HEATR1: variants seen among roughly 807,000 people sequenced by gnomAD.
HEATR1 encodes the protein HEAT repeat-containing protein 1.
In HEATR1, 77 loss-of-function variants were observed where a neutral mutation model predicts 248.2. The observed-to-expected ratio is 0.31, with a 90% CI of 0.26 to 0.37. The LOEUF is 0.37. Among genes scored for constraint, HEATR1 ranks in the 10% least tolerant of loss-of-function variants. The pLI is 1.00. For missense variants in HEATR1, 2,420 were observed against 2,504.9 expected, an observed-to-expected ratio of 0.97 and a Z score of 0.72; for synonymous variants, 897 against 923.1, an observed-to-expected ratio of 0.97 and a Z score of 0.51.
rs1469602488 is a variant in HEATR1, at chr1:236,564,628, C to A, written c.4469G>T (p.Ser1490Ile). The change falls in exon 32 of 45, where the codon AGT becomes ATT. Residue 1490 changes from serine (S) to isoleucine (I), a missense_variant. By Grantham distance (142) the Ser-to-Ile change is moderately radical (BLOSUM62 -2). Transcript: ENST00000366582. Reference sequence around the variant, plus strand: ...CTGTAGCATTTCTTCTTGTGATTCACTCTTATTAAATGACACTGCTTTGGG... The same window carrying A: ...CTGTAGCATTTCTTCTTGTGATTCAATCTTATTAAATGACACTGCTTTGGG... ...TIPKAVSFNK[S>I]ESQEEMLQVF... 3 of 1,613,234 alleles carry A rather than the reference C, an allele frequency of 1.9e-6. No homozygotes were observed. The highest frequency in any genetic ancestry group is 4.5e-5 in the East Asian group (2 of 44,872).
chr1:236,553,840 T>G, intron 42 of HEATR1, 101 bp from the exon 43 acceptor site: 1 of 1,284,166 alleles, frequency 7.8e-7, no homozygotes, highest in Non-Finnish European at 1.1e-6. Flanking sequence ...TTTCATGATA[T>G]TAGCAGGTTC....
At chr1:236,554,959 T>C (rs1159114585) in intron 41 of HEATR1, among the ~76,000 whole-genome samples, 1 of 152,216 alleles carries the variant, frequency 6.6e-6, no homozygotes, top group Admixed American at 6.5e-5. Flanking sequence ...ACACTCACTC[T>C]GGCAAGTTAA....
intron 9 of HEATR1, among the ~76,000 whole-genome samples, chr1:236,592,911 A>G (rs1198067039): frequency 1.3e-5 from 2 of 152,196 alleles, no homozygotes; most frequent in Admixed American, 1.3e-4. Context: ...CTACATTGCT[A>G]TTTTAAATGG....
intron 44 of HEATR1, 92 bp downstream of exon 44, chr1:236,551,907 T>A: frequency 1.2e-6 from 1 of 848,464 alleles, no homozygotes; most frequent in South Asian, 1.5e-5. Flanking sequence ...TCACGTTATA[T>A]CCAAATCTGC....
chr1:236,553,758 A>C lies in HEATR1; in HGVS notation c.6079-19T>G. The C allele has an allele frequency of 6.3e-7, 1 of 1,595,098 alleles. No individual in the cohort carries two copies. The highest frequency in any genetic ancestry group is 1.8e-5 in the Admixed American group (1 of 56,010). On this transcript the variant is annotated intron_variant, in intron 42 of 44. Coordinates refer to ENST00000366582, the MANE Select transcript of HEATR1 (RefSeq NM_018072.6). Reference sequence around the variant, plus strand: ...TTTCCAGCTAGGAAGAGTAAGACAAAGACTTTGAACAACAAGTCTCATTTC... The same window carrying C: ...TTTCCAGCTAGGAAGAGTAAGACAACGACTTTGAACAACAAGTCTCATTTC...
Position 236,584,013 on chromosome 1 carries a change from ACT to A in HEATR1, c.2242-819_2242-818del, listed in dbSNP as rs60783406. Among the ~76,000 whole-genome samples the A allele has an allele frequency of 2.9e-3, 440 of 152,198 alleles. 3 individuals carry two copies. Among genetic ancestry groups the A allele is most frequent in the African/African-American group, 9.6e-3 (400 of 41,514 alleles). On this transcript the variant is annotated intron_variant, in intron 17 of 44. Coordinates refer to ENST00000366582, the MANE Select transcript of HEATR1 (RefSeq NM_018072.6). ...CAGGTGTAAGAAAATGACAAATATG[ACT>A]CTGTACAAGCAGTACAGAGTAATAA...
Position 236,564,678 on chromosome 1 carries a change from A to G in HEATR1, c.4436-17T>C, listed in dbSNP as rs1043025961. 7 of 1,602,778 alleles carry G rather than the reference A, an allele frequency of 4.4e-6. No individual in the cohort carries two copies. Among genetic ancestry groups the G allele is most frequent in the East Asian group, 4.5e-5 (2 of 44,746 alleles). ...GAATGGTTTCTGAAACAGCAATAAA[A>G]CAAGTGACCTTACTCATTTTCACCT... On this transcript the variant is annotated splice_polypyrimidine_tract_variant and intron_variant, in intron 31 of 44. Coordinates refer to ENST00000366582, the MANE Select transcript of HEATR1 (RefSeq NM_018072.6).
At chr1:236,559,983 G>A (rs1177843160) in intron 33 of HEATR1, 146 bp from the exon 34 acceptor site, 1 of 847,588 alleles carries the variant, frequency 1.2e-6, no homozygotes, top group African/African-American at 1.8e-5. Context: ...CGGAAAGAAA[G>A]GAAATGAGGG....
intron 28 of HEATR1, among the ~76,000 whole-genome samples, chr1:236,569,437 A>G (rs1418942287): frequency 6.6e-6 from 1 of 152,162 alleles, no homozygotes; most frequent in African/African-American, 2.4e-5. Context: ...CCTGGCCACA[A>G]GTGATATTCC....
chr1:236,574,384 C>G (rs776697836), intron 23 of HEATR1, 51 bp from the exon 24 acceptor site: 1 of 1,549,280 alleles, frequency 6.5e-7, no homozygotes, highest in Non-Finnish European at 8.7e-7. Context: ...AGTTTAAATT[C>G]CAGAAATAAT....
chr1:236,586,393 T>A lies in HEATR1; in HGVS notation c.1775A>T (p.Asn592Ile). ...ILIKEEILSE[N>I]DQLSNQVVVC... ...AACCACCTGATTTGACAACTGATCA[T>A]TTTCACTCAGTATCTCTTCTTTAAT... The change falls in exon 15 of 45, where the codon AAT (asparagine) becomes ATT (isoleucine). Residue 592 changes from asparagine to isoleucine, a missense_variant. Transcript: ENST00000366582. 1 of 1,613,382 alleles carries A rather than the reference T, an allele frequency of 6.2e-7. No individual in the cohort carries two copies. The highest frequency in any genetic ancestry group is 1.7e-4 in the Middle Eastern group (1 of 6,058).
chr1:236,568,278 A>G (rs1663327212), intron 29 of HEATR1, among the ~76,000 whole-genome samples: 1 of 152,180 alleles, frequency 6.6e-6, no homozygotes, highest in Admixed American at 6.5e-5. Flanking sequence ...AATGCATATT[A>G]TTATTTTTCT....
chr1:236,559,579 TTTCTA>T lies in HEATR1; in HGVS notation c.4770+130_4770+134del, dbSNP rs1425116132. On this transcript the variant is annotated intron_variant, in intron 34 of 44. Transcript: ENST00000366582. ...CTATTTCTAGTCATCAAGAGATTGT[TTTCTA>T]AGAAAAATCTGAGCTTCATTATATT... is the stretch of plus-strand genomic sequence containing the variant. 10 of 1,128,124 alleles carry T rather than the reference TTTCTA, an allele frequency of 8.9e-6. No individual in the cohort carries two copies. The African/African-American group carries it at 1.4e-4, about 16-fold the overall frequency. 69.9% of individuals were successfully genotyped at this position (1,128,124 alleles called of 1,614,324 possible).
chr1:236,575,019 C>G (rs1663529892), intron 22 of HEATR1, 116 bp from the exon 23 acceptor site: 1 of 930,532 alleles, frequency 1.1e-6, no homozygotes, highest in African/African-American at 1.7e-5. Flanking sequence ...AGGAAAAAAC[C>G]CAATGATGGT....
intron 14 of HEATR1, among the ~76,000 whole-genome samples, chr1:236,586,932 T>C (rs2794762): frequency 0.53 from 80,864 of 151,812 alleles, 23,557 homozygotes; most frequent in Non-Finnish European, 0.65. Flanking sequence ...ACTCTCATCC[T>C]CTATGGAGCT....
At chr1:236,603,105 T>A (rs891077636) in intron 3 of HEATR1, 55 bp downstream of exon 3, 2 of 1,392,644 alleles carry the variant, frequency 1.4e-6, no homozygotes, top group African/African-American at 2.9e-5. Context: ...CTACTTAATT[T>A]TTTACAAGAC....
chr1:236,557,852 A>C (rs552689183), intron 36 of HEATR1, among the ~76,000 whole-genome samples: 9 of 152,242 alleles, frequency 5.9e-5, no homozygotes, highest in Non-Finnish European at 8.8e-5. Context: ...AAAAGGAAGG[A>C]AGAATGGAGG....
rs1332948088 is a variant in HEATR1, at chr1:236,591,987, A to T, written c.1422+6T>A. 3.9e-6 allele frequency: 6 copies of T among 1,521,092 alleles called. No homozygotes were observed. The East Asian group carries it at 1.4e-4, about 34-fold the overall frequency. The allele number at this position is 1,521,092 out of a possible 1,614,324, so 94.2% of individuals were successfully genotyped here. A position where few individuals can be genotyped will look rare whatever the true frequency, so the allele number is the denominator to read the frequency against. On this transcript the variant is annotated splice_donor_region_variant and intron_variant, in intron 11 of 44. Transcript: ENST00000366582. ...ATTGTCATAATTCCTTTGGAGAACA[A>T]CATACCTGATACTTTCCTCCACTTG...
At chr1:236,566,173 T>C in intron 30 of HEATR1, 128 bp from the exon 31 acceptor site, 1 of 811,046 alleles carries the variant, frequency 1.2e-6, no homozygotes, top group Non-Finnish European at 1.9e-6. Flanking sequence ...GGTCGAGATC[T>C]ACTCCCAGAT....
Sources: allele counts gnomAD v4.1 joint callset (sites outside exome capture counted in the v4.1 genomes callset), GRCh38; gene constraint gnomAD v4.1.1; transcripts MANE v1.5; gene names NCBI Gene and HGNC (gene_info 2026-07-23, HGNC 2026-07-21).